Variants in LCLAT1 observed in about 807,000 individuals in gnomAD.
LCLAT1 encodes lysocardiolipin acyltransferase 1.
Under a neutral mutation model 30.7 loss-of-function variants are expected in LCLAT1, and 11 were observed. The observed-to-expected ratio is 0.36, with a 90% CI of 0.23 to 0.59. The LOEUF is 0.59. Ranked by LOEUF, LCLAT1 falls within the 20% of genes least tolerant of loss-of-function variation. LCLAT1 has a pLI of 0.77. For synonymous variants in LCLAT1, 155 were observed against 151.3 expected (o/e 1.02, Z -0.18); for missense variants, 402 against 458.6 (o/e 0.88, Z 1.13).
intron 1 of LCLAT1, among the ~76,000 whole-genome samples, chr2:30,484,869 G>A (rs1035583589): frequency 6.6e-6 from 1 of 152,062 alleles, no homozygotes; most frequent in Admixed American, 6.5e-5. Flanking sequence ...CTAAAATTCT[G>A]TTTGTAGAAA....
At chr2:30,557,075 C>A (rs1052348579) in intron 3 of LCLAT1, among the ~76,000 whole-genome samples, 3 of 152,044 alleles carry the variant, frequency 2.0e-5, no homozygotes, top group African/African-American at 7.2e-5. Context: ...GACATTGTTA[C>A]CACATCCATG....
intron 3 of LCLAT1, among the ~76,000 whole-genome samples, chr2:30,537,399 A>AC (rs898131915): frequency 1.3e-5 from 2 of 152,038 alleles, no homozygotes; most frequent in African/African-American, 4.8e-5. Flanking sequence ...AAAAAAAAAA[A>AC]AGATAGACTT....
At chr2:30,448,447 T>A (rs2148247092) in intron 1 of LCLAT1, among the ~76,000 whole-genome samples, 1 of 152,352 alleles carries the variant, frequency 6.6e-6, no homozygotes, top group South Asian at 2.1e-4. Context: ...ATATGACAGA[T>A]AAGCATAATG....
intron 5 of LCLAT1, among the ~76,000 whole-genome samples, chr2:30,576,636 C>T (rs569518861): frequency 6.6e-6 from 1 of 151,944 alleles, no homozygotes; most frequent in Non-Finnish European, 1.5e-5. Flanking sequence ...CTTATGCCTG[C>T]CTTTTGGTTT....
At chr2:30,461,448 A>G (rs1312931125) in intron 1 of LCLAT1, among the ~76,000 whole-genome samples, 1 of 151,822 alleles carries the variant, frequency 6.6e-6, no homozygotes, top group Non-Finnish European at 1.5e-5. Flanking sequence ...GTTTTTTGAA[A>G]CGGGGTCTCA....
chr2:30,489,976 C>G (rs1248526771), intron 1 of LCLAT1, among the ~76,000 whole-genome samples: 1 of 152,204 alleles, frequency 6.6e-6, no homozygotes, highest in Non-Finnish European at 1.5e-5. Flanking sequence ...CCAGCATTTA[C>G]TCAGTATGTA....
At chr2:30,546,951 A>G (rs909652445) in intron 3 of LCLAT1, among the ~76,000 whole-genome samples, 2 of 152,096 alleles carry the variant, frequency 1.3e-5, no homozygotes, top group Non-Finnish European at 2.9e-5. Context: ...TAAGATGAAT[A>G]GATTCATCTT....
chr2:30,584,963 A>C (rs1010539907), intron 5 of LCLAT1, among the ~76,000 whole-genome samples: 1 of 151,910 alleles, frequency 6.6e-6, no homozygotes, highest in African/African-American at 2.4e-5. Context: ...AAAAAAAAAA[A>C]AAAACCCTCT....
chr2:30,628,823 A>G (rs1030394428), intron 5 of LCLAT1, among the ~76,000 whole-genome samples: 5 of 152,240 alleles, frequency 3.3e-5, no homozygotes, highest in African/African-American at 1.2e-4. Flanking sequence ...TCAGAGAAAT[A>G]TAGGATACAT....
At chr2:30,608,614 T>G (rs1470396345) in intron 5 of LCLAT1, among the ~76,000 whole-genome samples, 1 of 152,116 alleles carries the variant, frequency 6.6e-6, no homozygotes, top group Non-Finnish European at 1.5e-5. Context: ...ATACTTAGCA[T>G]TATGTTACAA....
chr2:30,623,580 A>G (rs928692060), intron 5 of LCLAT1, among the ~76,000 whole-genome samples: 19 of 151,706 alleles, frequency 1.3e-4, no homozygotes, highest in Non-Finnish European at 1.6e-4. Context: ...GAATGGGGGA[A>G]AAAAAAAACA....
intron 1 of LCLAT1, among the ~76,000 whole-genome samples, chr2:30,487,455 T>C (rs1284772802): frequency 1.3e-5 from 2 of 152,228 alleles, no homozygotes; most frequent in East Asian, 1.9e-4. Flanking sequence ...TCTCCCTTTT[T>C]CCCTTCTATA....
intron 5 of LCLAT1, among the ~76,000 whole-genome samples, chr2:30,638,365 T>C (rs1669136387): frequency 6.6e-6 from 1 of 152,216 alleles, no homozygotes; most frequent in Admixed American, 6.5e-5. Context: ...TATGTAAGCA[T>C]CATGTAATCC....
intron 1 of LCLAT1, among the ~76,000 whole-genome samples, chr2:30,457,114 A>G (rs1681875302): frequency 6.6e-6 from 1 of 152,208 alleles, no homozygotes; most frequent in Admixed American, 6.5e-5. Flanking sequence ...GTTTGACAGT[A>G]TAGTGAATTA....
intron 5 of LCLAT1, among the ~76,000 whole-genome samples, chr2:30,580,073 C>T (rs2148464800): frequency 6.6e-6 from 1 of 152,216 alleles, no homozygotes; most frequent in East Asian, 1.9e-4. Flanking sequence ...TATTTACAGA[C>T]TATATGATGG....
intron 1 of LCLAT1, among the ~76,000 whole-genome samples, chr2:30,484,038 T>C (rs1431190716): frequency 3.3e-5 from 5 of 152,214 alleles, no homozygotes; most frequent in African/African-American, 4.8e-5. Context: ...GAAATGTGCT[T>C]CAGAGCAGTC....
rs1355142283 is a variant in LCLAT1 at position 30,644,061 on chromosome 2, C to T, written c.*3442C>T. On this transcript the variant is annotated 3_prime_UTR_variant, in exon 6 of 6. Coordinates refer to ENST00000379509, the MANE Select transcript of LCLAT1 (RefSeq NM_001002257.3). ...TTAAATTTTCATTTTAGAAGAGAAT[C>T]TTGGTTTTGGTAATTCATTTTTTTT... The T allele has an allele frequency of 7.2e-5, 11 of 152,048 alleles. No individual in the cohort carries two copies. The highest frequency in any genetic ancestry group is 5.9e-5 in the Non-Finnish European group (4 of 68,004). The allele number at this position is 152,048 out of a possible 1,614,324, so 9.4% of individuals were successfully genotyped here.
intron 1 of LCLAT1, among the ~76,000 whole-genome samples, chr2:30,460,626 A>G (rs1056391098): frequency 1.3e-5 from 2 of 152,148 alleles, no homozygotes; most frequent in Non-Finnish European, 2.9e-5. Context: ...GGATTTCCTT[A>G]TAGATGTATC....
intron 1 of LCLAT1, among the ~76,000 whole-genome samples, chr2:30,505,361 G>A (rs1246583606): frequency 6.6e-6 from 1 of 150,882 alleles, no homozygotes; most frequent in Non-Finnish European, 1.5e-5. Flanking sequence ...CAATCTACAG[G>A]AGAGGGGAAT....
Sources: gnomAD v4.1 joint callset for allele counts (sites outside exome capture counted in the v4.1 genomes callset) on GRCh38, gnomAD v4.1.1 for gene constraint, MANE v1.5 for transcripts, NCBI Gene and HGNC (gene_info 2026-07-23, HGNC 2026-07-21) for gene names.